Variants in SPTA1 observed in about 807,000 individuals in gnomAD.
The protein encoded by SPTA1 is spectrin alpha chain, erythrocytic 1.
SPTA1 carries 177 observed loss-of-function variants against 324.7 expected under a neutral mutation model. That is an observed-to-expected ratio of 0.55 (90% CI 0.48 to 0.62). The LOEUF (loss-of-function observed/expected upper bound fraction) is 0.62. Ranked by LOEUF, SPTA1 falls within the 20% of genes least tolerant of loss-of-function variation. The pLI is 0.00. For synonymous variants in SPTA1, 1,195 were observed against 1,041.3 expected, an observed-to-expected ratio of 1.15 and a Z score of -2.84; for missense variants, 3,162 against 2,883.6, an observed-to-expected ratio of 1.10 and a Z score of -2.21.
intron 39 of SPTA1, among the ~76,000 whole-genome samples, chr1:158,628,453 T>C (rs904519116): frequency 2.0e-5 from 3 of 152,200 alleles, no homozygotes; most frequent in South Asian, 2.1e-4. Context: ...ATGACTATTA[T>C]ACTTTTTCAA....
chr1:158,662,695 T>C lies in SPTA1; in HGVS notation c.2464+7A>G. ...CTAGTGGCTCAGCCTGCTCAGGCTGTACTAACCAAGGTAGGTGGAAGTAGC... is the reference window on the plus strand; with the variant it reads ...CTAGTGGCTCAGCCTGCTCAGGCTGCACTAACCAAGGTAGGTGGAAGTAGC... On this transcript the variant is annotated splice_region_variant and intron_variant, in intron 17 of 51. Coordinates refer to ENST00000643759, the MANE Select transcript of SPTA1 (RefSeq NM_003126.4). 1 of 1,613,708 alleles carries C rather than the reference T, an allele frequency of 6.2e-7. No homozygotes were observed. Among genetic ancestry groups the C allele is most frequent in the Non-Finnish European group, 8.5e-7 (1 of 1,179,934 alleles).
At chr1:158,612,795 G>A (rs1344401621) in intron 51 of SPTA1, 22 bp downstream of exon 51, 3 of 1,613,426 alleles carry the variant, frequency 1.9e-6, no homozygotes, top group South Asian at 1.1e-5. Flanking sequence ...CAGTGTAGTA[G>A]GGGAAGCAAC....
At position 158,615,319 on chromosome 1, in the gene SPTA1, G is replaced by C; in HGVS notation, c.6685C>G (p.Leu2229Val). 6.2e-7 allele frequency: 1 copy of C among 1,614,054 alleles called. No individual in the cohort carries two copies. The highest frequency in any genetic ancestry group is 8.5e-7 in the Non-Finnish European group (1 of 1,180,020). ...LGDNLEDALI[L>V]DIKYSTIGLA... ...CCAATGGTGCTGTATTTGATATCAA[G>C]GATCAGAGCGTCTTCCAAGTTGTCC... The change falls in exon 48 of 52, where the codon CTT (leucine) becomes GTT (valine). Residue 2229 changes from leucine to valine, a missense_variant. Physicochemically the swap from Leu to Val is conservative, Grantham distance 32. Transcript: ENST00000643759.
At chr1:158,659,092 T>A (rs973230882) in intron 18 of SPTA1, among the ~76,000 whole-genome samples, 3 of 151,840 alleles carry the variant, frequency 2.0e-5, no homozygotes, top group Non-Finnish European at 4.4e-5. Context: ...TGAGGGTGAA[T>A]TTTTTTCTCA....
Position 158,651,436 on chromosome 1 carries a change from A to G in SPTA1, c.3408T>C (p.Asp1136=), listed in dbSNP as rs1319769428. ...DLNTNEPRLR[D]INKVADDLLF... The stretch of plus-strand genomic sequence containing the variant: ...GTAGATCATCAGCTACCTTGTTGAT[A>G]TCCCTTAGCCGAGGCTCATTGGTAT... The change falls in exon 24 of 52, where the codon GAT becomes GAC. Residue 1136 remains aspartate (D), a synonymous_variant. Coordinates refer to ENST00000643759, the MANE Select transcript of SPTA1 (RefSeq NM_003126.4). 9.3e-6 allele frequency: 15 copies of G among 1,613,724 alleles called. No homozygotes were observed. Among genetic ancestry groups the G allele is most frequent in the Non-Finnish European group, 1.2e-5 (14 of 1,179,782 alleles).
Position 158,643,348 on chromosome 1 carries a change from A to G in SPTA1, c.4416T>C (p.Ala1472=). ...TGTCTAGTACACGTTGGAGCCGCGT[A>G]GCAATCTCTTCTTTGGCATAGTGTT... ...ADEHYAKEEI[A]TRLQRVLDRW... The change falls in exon 31 of 52, where the codon GCT becomes GCC. Residue 1472 remains alanine, a synonymous_variant. Coordinates refer to ENST00000643759, the MANE Select transcript of SPTA1 (RefSeq NM_003126.4). 6.2e-7 allele frequency: 1 copy of G among 1,613,958 alleles called. No homozygotes were observed. Among genetic ancestry groups the G allele is most frequent in the Non-Finnish European group, 8.5e-7 (1 of 1,179,912 alleles).
In SPTA1 at chr1:158,623,103, G is replaced by T. The variant is rs773921684; in HGVS notation, c.6000C>A (p.His2000Gln). ...DLKDKLISAQHNQSKAIEERY... is the reference protein window; with the variant it reads ...DLKDKLISAQQNQSKAIEERY... ...GCTCTTCAATGGCTTTAGACTGGTT[G>T]TGTTGAGCAGAAATCAGTTTGTCCT... Residue 2000 changes from histidine (H) to glutamine (Q), a missense_variant, in exon 43 of 52, where the codon CAC (histidine) becomes CAA (glutamine). Coordinates refer to ENST00000643759, the MANE Select transcript of SPTA1 (RefSeq NM_003126.4). 7 of 1,614,176 alleles carry T rather than the reference G, an allele frequency of 4.3e-6. No homozygotes were observed. In the East Asian group the frequency reaches 1.3e-4, roughly 31 times the overall value.
At chr1:158,665,796 A>C (rs532926439) in intron 16 of SPTA1, among the ~76,000 whole-genome samples, 3 of 152,346 alleles carry the variant, frequency 2.0e-5, no homozygotes, top group Admixed American at 6.5e-5. Context: ...ATCACAGAAT[A>C]CCTGAACAGG....
chr1:158,623,689 C>T (rs1207848039), intron 42 of SPTA1, among the ~76,000 whole-genome samples: 2 of 152,150 alleles, frequency 1.3e-5, no homozygotes, highest in South Asian at 2.1e-4. Context: ...TTCTTTAGGC[C>T]TCCCCAGCCA....
Position 158,626,965 on chromosome 1 carries a change from T to C in SPTA1, c.5707A>G (p.Ile1903Val), listed in dbSNP as rs762969392. The change falls in exon 41 of 52, where the codon ATA becomes GTA. Residue 1903 changes from isoleucine to valine, a missense_variant. By Grantham distance (29) the Ile-to-Val change is conservative (BLOSUM62 3). Coordinates refer to ENST00000643759, the MANE Select transcript of SPTA1 (RefSeq NM_003126.4). ...GGGGTCTTTTCATTCAGAGCCTCTA[T>C]CTTGGAAGAAATCTCTTTGTTCTGA... Reference protein sequence around the residue: ...ESQNKEISSKIEALNEKTPSL... With the variant: ...ESQNKEISSKVEALNEKTPSL... 2 of 1,613,882 alleles carry C rather than the reference T, an allele frequency of 1.2e-6. No homozygotes were observed. Among genetic ancestry groups the C allele is most frequent in the East Asian group, 4.5e-5 (2 of 44,866 alleles).
In SPTA1 at chr1:158,645,090, G is replaced by T. The variant is rs574917782; in HGVS notation, c.4194+98C>A. ...GATGAGCTCCCTTTGTGTTTATAAC[G>T]TGGAAAGTCTAGTGAACGGAGCCTG... On this transcript the variant is annotated intron_variant, in intron 29 of 51. Transcript: ENST00000643759. The T allele has an allele frequency of 2.3e-5, 29 of 1,262,706 alleles. No individual in the cohort carries two copies. In the Admixed American group the frequency reaches 3.4e-4, roughly 15 times the overall value. The allele number at this position is 1,262,706 out of a possible 1,614,324, so 78.2% of individuals were successfully genotyped here.
intron 27 of SPTA1, 21 bp from the exon 28 acceptor site, chr1:158,645,615 G>A: frequency 1.2e-6 from 2 of 1,613,072 alleles, no homozygotes; most frequent in South Asian, 1.1e-5. Flanking sequence ...AGACACATTG[G>A]AATTGACAAG....
In SPTA1 at chr1:158,645,178, T is replaced by A; in HGVS notation, c.4194+10A>T. The stretch of plus-strand genomic sequence containing the variant: ...CTGAACCTGCTTAACAATTGGGAAA[T>A]TTGCTGTACCTGCAACTCCAGGCAC... On this transcript the variant is annotated intron_variant, in intron 29 of 51. Transcript: ENST00000643759. The A allele has an allele frequency of 6.2e-7, 1 of 1,613,678 alleles. No individual in the cohort carries two copies. Among genetic ancestry groups the A allele is most frequent in the Non-Finnish European group, 8.5e-7 (1 of 1,179,700 alleles).
intron 39 of SPTA1, 58 bp downstream of exon 39, chr1:158,634,485 C>A: frequency 6.2e-7 from 1 of 1,608,066 alleles, no homozygotes; most frequent in Non-Finnish European, 8.5e-7. Context: ...ACACTGACTA[C>A]CCAAGAAAAT....
intron 48 of SPTA1, chr1:158,614,569 A>G (rs1023054786): frequency 4.9e-6 from 2 of 407,952 alleles, no homozygotes; most frequent in Non-Finnish European, 8.7e-6. Context: ...AAAATTACAT[A>G]AAATTTAAAT....
At chr1:158,619,471 C>G (rs1649773421) in intron 44 of SPTA1, 137 bp from the exon 45 acceptor site, 3 of 838,688 alleles carry the variant, frequency 3.6e-6, no homozygotes, top group African/African-American at 1.7e-5. Context: ...TGCCTGTGTG[C>G]TCATATTTCA....
chr1:158,633,123 C>T (rs1434088268), intron 39 of SPTA1, among the ~76,000 whole-genome samples: 1 of 152,078 alleles, frequency 6.6e-6, no homozygotes, highest in Non-Finnish European at 1.5e-5. Context: ...AAATGACAAA[C>T]TTATAGAAAT....
rs762063318 is a variant in SPTA1 at position 158,645,523 on chromosome 1, C to T, written c.3968G>A (p.Gly1323Asp). ...SSQELAEDLT[G>D]IEILLERHQE... ...ATGTCTCTCCAGCAAGATCTCTATG[C>T]CAGTTAAGTCTTCGGCCAGCTCCTG... The change falls in exon 28 of 52, where the codon GGC becomes GAC. Residue 1323 changes from glycine to aspartate, a missense_variant. Gly to Asp is a moderately conservative substitution (Grantham distance 94). Transcript: ENST00000643759. 2.5e-6 allele frequency: 4 copies of T among 1,613,880 alleles called. No homozygotes were observed. The African/African-American group carries it at 5.3e-5, about 22-fold the overall frequency.
In SPTA1 at chr1:158,686,510, T is replaced by G. The variant is rs761277927; in HGVS notation, c.8A>C (p.Gln3Pro). ...TGTACTTACGGTTTCCTTTGGAAAT[T>G]GCTCCATTTTTCCTAAAGGTTTAGA... ME[Q>P]FPKETVVESS... Residue 3 changes from glutamine to proline, a missense_variant, in exon 1 of 52, where the codon CAA (glutamine) becomes CCA (proline). By Grantham distance (76) the Gln-to-Pro change is moderately conservative (BLOSUM62 -1). Transcript: ENST00000643759. 1.1e-5 allele frequency: 18 copies of G among 1,593,330 alleles called. No homozygotes were observed. The African/African-American group carries it at 2.4e-4, about 21-fold the overall frequency.
Sources: gnomAD v4.1 joint callset for allele counts (sites outside exome capture counted in the v4.1 genomes callset) on GRCh38, gnomAD v4.1.1 for gene constraint, MANE v1.5 for transcripts, NCBI Gene and HGNC (gene_info 2026-07-23, HGNC 2026-07-21) for gene names.